The following SUGT1 variants were observed in gnomAD, a reference collection of about 807,000 sequenced individuals.
SUGT1 encodes the protein protein SGT1 homolog.
SUGT1 carries 15 observed loss-of-function variants against 56.1 expected under a neutral mutation model. The observed-to-expected ratio is 0.27, with a 90% confidence interval of 0.18 to 0.41. The LOEUF is 0.41. Among genes scored for constraint, SUGT1 ranks in the 10% least tolerant of loss-of-function variants. The pLI is 1.00. For missense variants in SUGT1, 347 were observed against 382.2 expected (o/e 0.91, Z 0.77); for synonymous variants, 123 against 128.6 (o/e 0.96, Z 0.30).
At position 52,690,157 on chromosome 13, in the gene SUGT1, A is replaced by G. The variant is rs1398589155; in HGVS notation, c.*2322A>G. 2 of 152,212 alleles carry G rather than the reference A, an allele frequency of 1.3e-5. No homozygotes were observed. Among genetic ancestry groups the G allele is most frequent in the African/African-American group, 4.8e-5 (2 of 41,452 alleles). 9.4% of individuals were successfully genotyped at this position (152,212 alleles called of 1,614,324 possible). On this transcript the variant is annotated 3_prime_UTR_variant, in exon 13 of 13. Coordinates refer to ENST00000310528, the MANE Select transcript of SUGT1 (RefSeq NM_006704.5). Reference sequence around the variant, plus strand: ...TAAAACATACCTTGTCAAATACATTAGATTCATTATAGGTCAAGGGAATTT... The same window carrying G: ...TAAAACATACCTTGTCAAATACATTGGATTCATTATAGGTCAAGGGAATTT...
At chr13:52,655,226 T>A (rs1962105643) in intron 2 of SUGT1, among the ~76,000 whole-genome samples, 1 of 152,088 alleles carries the variant, frequency 6.6e-6, no homozygotes. Context: ...GCAGCCGTAA[T>A]CAGCTACCTG....
chr13:52,676,174 T>G (rs1336092061), intron 10 of SUGT1, 56 bp from the exon 11 acceptor site: 1 of 1,415,210 alleles, frequency 7.1e-7, no homozygotes, highest in Non-Finnish European at 9.6e-7. Flanking sequence ...ACTGCATTTT[T>G]TACTGTTTTG....
chr13:52,681,737 C>T (rs189608460), intron 12 of SUGT1, among the ~76,000 whole-genome samples: 309 of 151,214 alleles, frequency 2.0e-3, no homozygotes, highest in South Asian at 0.014. Context: ...CAGGCGTCTG[C>T]GGCAAGAGTA....
chr13:52,672,786 G>A (rs1416196844), intron 10 of SUGT1, among the ~76,000 whole-genome samples: 1 of 152,170 alleles, frequency 6.6e-6, no homozygotes, highest in Non-Finnish European at 1.5e-5. Context: ...TGGATATCAT[G>A]ATTGCTTAAG....
chr13:52,664,152 AT>A, intron 8 of SUGT1, 95 bp downstream of exon 8: 1 of 1,310,878 alleles, frequency 7.6e-7, no homozygotes, highest in Non-Finnish European at 1.1e-6. Flanking sequence ...TTACCATGTG[AT>A]TTTTAAGTTT....
chr13:52,672,451 T>C (rs1962983077), intron 10 of SUGT1, among the ~76,000 whole-genome samples: 2 of 152,152 alleles, frequency 1.3e-5, no homozygotes, highest in African/African-American at 4.8e-5. Context: ...TTCATTGCCA[T>C]TTTTTTGCAT....
Position 52,694,694 on chromosome 13 carries a change from T to C in SUGT1, c.*6859T>C, listed in dbSNP as rs1040546900. 1.7e-4 allele frequency: 26 copies of C among 152,292 alleles called. No individual in the cohort carries two copies. Among genetic ancestry groups the C allele is most frequent in the African/African-American group, 6.0e-4 (25 of 41,470 alleles). The allele number at this position is 152,292 out of a possible 1,614,324, so 9.4% of individuals were successfully genotyped here. A position where few individuals can be genotyped will look rare whatever the true frequency, so the allele number is the denominator to read the frequency against. ...AGCTGATATTTGTTTGTGTTTGTTT[T>C]TGTTTTTGTTTTTGAGACGGAGTCT... On this transcript the variant is annotated 3_prime_UTR_variant, in exon 13 of 13. Transcript: ENST00000310528.
intron 10 of SUGT1, among the ~76,000 whole-genome samples, chr13:52,673,855 A>G (rs1963036767): frequency 6.6e-6 from 1 of 152,304 alleles, no homozygotes; most frequent in Admixed American, 6.5e-5. Flanking sequence ...TGTCATTGCC[A>G]TCTATTTGAT....
At chr13:52,659,945 C>T (rs1962363825) in intron 5 of SUGT1, among the ~76,000 whole-genome samples, 1 of 150,224 alleles carries the variant, frequency 6.7e-6, no homozygotes, top group African/African-American at 2.5e-5. Flanking sequence ...TCTTCTGCCT[C>T]AGCCCCCCGA....
intron 12 of SUGT1, among the ~76,000 whole-genome samples, chr13:52,681,644 A>C (rs1181946047): frequency 6.6e-6 from 1 of 152,002 alleles, no homozygotes; most frequent in Non-Finnish European, 1.5e-5. Context: ...TTGAGGCTAG[A>C]CCAGCCTGGA....
rs1293967317 is a variant in SUGT1, at chr13:52,699,242, T to C, written c.*11407T>C. 6.6e-6 allele frequency: 1 copy of C among 152,186 alleles called. No homozygotes were observed. Among genetic ancestry groups the C allele is most frequent in the African/African-American group, 2.4e-5 (1 of 41,438 alleles). 9.4% of individuals were successfully genotyped at this position (152,186 alleles called of 1,614,324 possible). A position where few individuals can be genotyped will look rare whatever the true frequency, so the allele number is the denominator to read the frequency against. ...TTAAGTTATTGAATCCATATCACCG[T>C]ATGACAGCACATGATGAAAGAAAAT... On this transcript the variant is annotated 3_prime_UTR_variant, in exon 13 of 13. Transcript: ENST00000310528.
At chr13:52,658,679 A>G (rs557397450) in intron 4 of SUGT1, among the ~76,000 whole-genome samples, 19 of 150,942 alleles carry the variant, frequency 1.3e-4, no homozygotes, top group Admixed American at 9.9e-4. Flanking sequence ...AGTAAATTTT[A>G]AAATAGTGAT....
At chr13:52,678,603 T>C (rs1963244474) in intron 11 of SUGT1, among the ~76,000 whole-genome samples, 1 of 152,122 alleles carries the variant, frequency 6.6e-6, no homozygotes, top group Non-Finnish European at 1.5e-5. Context: ...TGAGATGATG[T>C]GCTATGTGAA....
chr13:52,677,581 A>G (rs1444219799), intron 11 of SUGT1, among the ~76,000 whole-genome samples: 1 of 152,220 alleles, frequency 6.6e-6, no homozygotes, highest in East Asian at 1.9e-4. Flanking sequence ...AGCCCTGCAT[A>G]ACAGGCAGCC....
rs149014518 is a variant in SUGT1, at chr13:52,695,334, G to A, written c.*7499G>A. On this transcript the variant is annotated 3_prime_UTR_variant, in exon 13 of 13. Coordinates refer to ENST00000310528, the MANE Select transcript of SUGT1 (RefSeq NM_006704.5). ...AAATTATACTTCACCACAGAGACAG[G>A]TGTTGTTTTGTAATGGAAGGAGTAG... 245 of 152,166 alleles carry A rather than the reference G, an allele frequency of 1.6e-3. 2 individuals are homozygous for A. The highest frequency in any genetic ancestry group is 5.8e-3 in the African/African-American group (239 of 41,500). 9.4% of individuals were successfully genotyped at this position (152,166 alleles called of 1,614,324 possible). A position where few individuals can be genotyped will look rare whatever the true frequency, so the allele number is the denominator to read the frequency against.
chr13:52,660,269 G>C (rs1015733469), intron 5 of SUGT1, among the ~76,000 whole-genome samples: 6 of 152,068 alleles, frequency 3.9e-5, no homozygotes, highest in Non-Finnish European at 7.4e-5. Flanking sequence ...CTAAAGAAGT[G>C]GTTCTTAACT....
intron 2 of SUGT1, among the ~76,000 whole-genome samples, chr13:52,653,885 G>A (rs1281907050): frequency 1.3e-5 from 2 of 152,216 alleles, no homozygotes; most frequent in African/African-American, 4.8e-5. Flanking sequence ...ACAATTTGAG[G>A]CAAGACAGCG....
intron 5 of SUGT1, among the ~76,000 whole-genome samples, chr13:52,659,970 A>G (rs986833835): frequency 2.7e-5 from 4 of 150,582 alleles, no homozygotes; most frequent in Non-Finnish European, 4.4e-5. Flanking sequence ...CTGGGACTAC[A>G]GGCGACCACC....
rs1207632228 is a variant in SUGT1, at chr13:52,691,387, T to C, written c.*3552T>C. The C allele has an allele frequency of 2.0e-5, 3 of 152,222 alleles. No homozygotes were observed. Among genetic ancestry groups the C allele is most frequent in the African/African-American group, 7.2e-5 (3 of 41,462 alleles). The allele number at this position is 152,222 out of a possible 1,614,324, so 9.4% of individuals were successfully genotyped here. A position where few individuals can be genotyped will look rare whatever the true frequency, so the allele number is the denominator to read the frequency against. ...GTTCAGTACTTAAATATTTTTTGGCTCTTCTTTCCCACTTTACCTTTCTCT... is the reference window on the plus strand; with the variant it reads ...GTTCAGTACTTAAATATTTTTTGGCCCTTCTTTCCCACTTTACCTTTCTCT... On this transcript the variant is annotated 3_prime_UTR_variant, in exon 13 of 13. Transcript: ENST00000310528.
Sources: allele counts gnomAD v4.1 joint callset (sites outside exome capture counted in the v4.1 genomes callset), GRCh38; gene constraint gnomAD v4.1.1; transcripts MANE v1.5; gene names NCBI Gene and HGNC (gene_info 2026-07-23, HGNC 2026-07-21).